LIMCH1: variants seen among roughly 807,000 people sequenced by gnomAD.
LIMCH1 encodes LIM and calponin homology domains 1, also known as LIM and calponin homology domains-containing protein 1.
A neutral mutation model predicts 176.5 loss-of-function variants in LIMCH1; 113 were observed. That is an observed-to-expected ratio of 0.64 (90% CI 0.55 to 0.75). The LOEUF (loss-of-function observed/expected upper bound fraction) is 0.75, where lower values mean the gene tolerates loss of function less well. LIMCH1 is among the 30% of genes least tolerant of loss of function. The pLI, the probability that LIMCH1 is intolerant of heterozygous loss-of-function variation, is 0.00. For missense variants in LIMCH1, 1,674 were observed against 1,814.9 expected (o/e 0.92, Z 1.41); for synonymous variants, 619 against 645.9 (o/e 0.96, Z 0.63).
In LIMCH1 at chr4:41,692,718, A is replaced by T. The variant is rs902445380; in HGVS notation, c.4378+334A>T. The T allele has an allele frequency of 1.5e-5, 3 of 206,256 alleles. No individual in the cohort carries two copies. In the East Asian group the frequency reaches 3.9e-4, roughly 27 times the overall value. The allele number at this position is 206,256 out of a possible 1,614,324, so 12.8% of individuals were successfully genotyped here. A position where few individuals can be genotyped will look rare whatever the true frequency, so the allele number is the denominator to read the frequency against. On this transcript the variant is annotated intron_variant, in intron 31 of 31. Transcript: ENST00000503057. ...GTCACTTGTTCAGGCATGTCTTTAG[A>T]CGACTGGCACCATTTGGGGATGGTT...
chr4:41,390,239 G>GGAGAGAGAGAGAGAGAGAGA (rs34011822), intron 1 of LIMCH1, among the ~76,000 whole-genome samples: 2 of 138,354 alleles, frequency 1.4e-5, no homozygotes, highest in African/African-American at 2.6e-5. Flanking sequence ...TCTCTCTCAG[G>GGAGAGAGAGAGAGAGAGAGA]GAGAGAGAGA....
intron 1 of LIMCH1, among the ~76,000 whole-genome samples, chr4:41,415,825 A>G (rs1482478351): frequency 2.6e-5 from 4 of 152,038 alleles, no homozygotes; most frequent in African/African-American, 9.7e-5. Context: ...AAAATAAAAA[A>G]AAATAGCTGG....
intron 1 of LIMCH1, among the ~76,000 whole-genome samples, chr4:41,563,539 T>C (rs1247689120): frequency 6.6e-6 from 1 of 152,208 alleles, no homozygotes; most frequent in Admixed American, 6.5e-5. Flanking sequence ...TTTATAGTGA[T>C]AGATGCTAAA....
chr4:41,529,402 A>C (rs2077018615), intron 3 of LIMCH1, among the ~76,000 whole-genome samples: 1 of 152,192 alleles, frequency 6.6e-6, no homozygotes, highest in Admixed American at 6.5e-5. Flanking sequence ...TCTGCCCCTG[A>C]GTGCTGAACC....
intron 1 of LIMCH1, among the ~76,000 whole-genome samples, chr4:41,481,040 C>G (rs966760994): frequency 6.6e-6 from 1 of 150,794 alleles, no homozygotes; most frequent in Non-Finnish European, 1.5e-5. Context: ...TTTTTGTAGA[C>G]TCTGTCAGTC....
rs1283836412 is a variant in LIMCH1 at position 41,538,213 on chromosome 4, G to T, written c.-378G>T. On this transcript the variant is annotated 5_prime_UTR_variant, in exon 1 of 32. Transcript: ENST00000503057. ...CAGAGCAGGGGTTGGCAGTGGTGACGACTGTTTTGGGAAAGGAAATGTAAG... is the reference window on the plus strand; with the variant it reads ...CAGAGCAGGGGTTGGCAGTGGTGACTACTGTTTTGGGAAAGGAAATGTAAG... 1.0e-6 allele frequency: 1 copy of T among 985,640 alleles called. No homozygotes were observed. Among genetic ancestry groups the T allele is most frequent in the Non-Finnish European group, 1.2e-6 (1 of 830,062 alleles). The allele number at this position is 985,640 out of a possible 1,614,324, so 61.1% of individuals were successfully genotyped here.
At chr4:41,413,495 A>ATTT (rs10631082) in intron 1 of LIMCH1, among the ~76,000 whole-genome samples, 36,440 of 139,108 alleles carry the variant, frequency 0.26, 5,181 homozygotes, top group South Asian at 0.4. Flanking sequence ...ATGCCTGGCT[A>ATTT]TTTTTTTTTT....
Position 41,626,595 on chromosome 4 carries a change from C to T in LIMCH1, c.726-113C>T, listed in dbSNP as rs974283738. Reference sequence around the variant, plus strand: ...AAATAATGAACAGATGTCATTTGAACTAACAATATCGAGAAGACTTTTCAC... The same window carrying T: ...AAATAATGAACAGATGTCATTTGAATTAACAATATCGAGAAGACTTTTCAC... On this transcript the variant is annotated intron_variant, in intron 7 of 31. Coordinates refer to ENST00000503057, the MANE Select transcript of LIMCH1 (RefSeq NM_001330672.2). 2.2e-5 allele frequency: 19 copies of T among 856,312 alleles called. No homozygotes were observed. In the African/African-American group the frequency reaches 2.6e-4, roughly 12 times the overall value. The allele number at this position is 856,312 out of a possible 1,614,324, so 53.0% of individuals were successfully genotyped here. A position where few individuals can be genotyped will look rare whatever the true frequency, so the allele number is the denominator to read the frequency against.
rs1274227885 is a variant in LIMCH1, at chr4:41,608,579, A to G, written c.9+2575A>G. On this transcript the variant is annotated intron_variant, in intron 4 of 31. Coordinates refer to ENST00000503057, the MANE Select transcript of LIMCH1 (RefSeq NM_001330672.2). ...CATAAAAATGATTCACTAGGGTGCA[A>G]CTTGTTAAGTTCTATAGTAAAGGTG... Among the ~76,000 whole-genome samples, 6 of 152,306 alleles carry G rather than the reference A, an allele frequency of 3.9e-5. No individual in the cohort carries two copies. In the South Asian group the frequency reaches 6.2e-4, roughly 16 times the overall value.
At chr4:41,472,236 C>T (rs1202918788) in intron 1 of LIMCH1, among the ~76,000 whole-genome samples, 1 of 152,154 alleles carries the variant, frequency 6.6e-6, no homozygotes, top group Admixed American at 6.5e-5. Context: ...TGTGCCAGTA[C>T]AGCAAAGGCC....
intron 1 of LIMCH1, among the ~76,000 whole-genome samples, chr4:41,399,840 A>AT (rs71198650): frequency 0.021 from 2,421 of 114,076 alleles, 146 homozygotes; most frequent in Admixed American, 0.13. Context: ...TGCCCGGCTA[A>AT]TTTTTTTTTT....
At chr4:41,638,073 G>C (rs1445669420) in intron 13 of LIMCH1, among the ~76,000 whole-genome samples, 1 of 151,752 alleles carries the variant, frequency 6.6e-6, no homozygotes, top group Non-Finnish European at 1.5e-5. Context: ...CTTTGCTGAA[G>C]AGACAGGCAT....
At chr4:41,482,373 C>T (rs944740492) in intron 1 of LIMCH1, among the ~76,000 whole-genome samples, 4 of 152,096 alleles carry the variant, frequency 2.6e-5, no homozygotes, top group East Asian at 1.9e-4. Flanking sequence ...AGGAGAAAAA[C>T]GCCTGCAATT....
At chr4:41,521,832 A>AT (rs1006137056) in intron 2 of LIMCH1, among the ~76,000 whole-genome samples, 23 of 152,148 alleles carry the variant, frequency 1.5e-4, no homozygotes, top group African/African-American at 5.5e-4. Context: ...TGATAGATTG[A>AT]TTTTTTCCAA....
chr4:41,585,295 C>G (rs772134392), intron 1 of LIMCH1, among the ~76,000 whole-genome samples: 3 of 152,172 alleles, frequency 2.0e-5, no homozygotes, highest in Non-Finnish European at 2.9e-5. Context: ...AAGTGGAATC[C>G]TGCAATATCT....
chr4:41,678,300 TAGC>T (rs1022420962), intron 23 of LIMCH1, among the ~76,000 whole-genome samples: 1 of 152,108 alleles, frequency 6.6e-6, no homozygotes, highest in African/African-American at 2.4e-5. Context: ...GTGATTTAGA[TAGC>T]AGTAGTAGGT....
intron 1 of LIMCH1, among the ~76,000 whole-genome samples, chr4:41,582,363 C>G (rs1237782679): frequency 6.6e-6 from 1 of 152,198 alleles, no homozygotes; most frequent in African/African-American, 2.4e-5. Flanking sequence ...GAATATACTC[C>G]TGAGAGACTA....
chr4:41,474,205 G>T (rs182614523), intron 1 of LIMCH1, among the ~76,000 whole-genome samples: 23 of 148,324 alleles, frequency 1.6e-4, no homozygotes, highest in Non-Finnish European at 2.8e-4. Flanking sequence ...ACAAAAATGG[G>T]TGGTCAGGCG....
chr4:41,565,388 C>CAG (rs2082619698), intron 1 of LIMCH1, among the ~76,000 whole-genome samples: 2 of 145,634 alleles, frequency 1.4e-5, no homozygotes, highest in South Asian at 4.4e-4. Context: ...CACACATACA[C>CAG]ACACACACAG....
Sources: allele counts gnomAD v4.1 joint callset (sites outside exome capture counted in the v4.1 genomes callset), GRCh38; gene constraint gnomAD v4.1.1; transcripts MANE v1.5; gene names NCBI Gene and HGNC (gene_info 2026-07-23, HGNC 2026-07-21).